ENOX1: variants seen among roughly 807,000 people sequenced by gnomAD.
The protein encoded by ENOX1 is ecto-NOX disulfide-thiol exchanger 1, also known as candidate growth-related and time keeping constitutive hydroquinone (NADH) oxidase.
A neutral mutation model predicts 82.5 loss-of-function variants in ENOX1; 42 were observed. That is an observed-to-expected ratio of 0.51 (90% CI 0.40 to 0.66). ENOX1 has a LOEUF of 0.66. ENOX1 is among the 30% of genes least tolerant of loss of function. The probability of loss-of-function intolerance (pLI) is 0.00; values close to 1 mark genes in which losing one functional copy is unlikely to be tolerated. For missense variants in ENOX1, 608 were observed against 811.6 expected (o/e 0.75, Z 3.05); for synonymous variants, 271 against 282.2 (o/e 0.96, Z 0.40).
chr13:43,660,392 T>G (rs2084660154), intron 2 of ENOX1, among the ~76,000 whole-genome samples: 1 of 152,330 alleles, frequency 6.6e-6, no homozygotes, highest in East Asian at 1.9e-4. Flanking sequence ...GATCAGTCAG[T>G]CTTTATCCTT....
At chr13:43,358,227 A>T (rs1396103539) in intron 7 of ENOX1, among the ~76,000 whole-genome samples, 2 of 152,194 alleles carry the variant, frequency 1.3e-5, no homozygotes, top group African/African-American at 4.8e-5. Context: ...ATTAGTGTTG[A>T]AAAGGGCCTC....
At chr13:43,712,476 A>G (rs570927214) in intron 1 of ENOX1, among the ~76,000 whole-genome samples, 30 of 152,094 alleles carry the variant, frequency 2.0e-4, no homozygotes, top group Middle Eastern at 6.8e-3. Context: ...AGCTTGATGG[A>G]GATGGCATTG....
chr13:43,376,063 G>A (rs1566069514), intron 5 of ENOX1, among the ~76,000 whole-genome samples: 1 of 152,134 alleles, frequency 6.6e-6, no homozygotes, highest in Non-Finnish European at 1.5e-5. Flanking sequence ...ATTTACATTT[G>A]CCAGAATAGC....
chr13:43,223,534 C>T (rs943530734), intron 16 of ENOX1, among the ~76,000 whole-genome samples: 9 of 152,146 alleles, frequency 5.9e-5, no homozygotes, highest in African/African-American at 2.2e-4. Context: ...GGATGTGAGC[C>T]TGGAGGGGCA....
intron 1 of ENOX1, among the ~76,000 whole-genome samples, chr13:43,764,287 G>A (rs923992572): frequency 2.0e-5 from 3 of 152,128 alleles, no homozygotes; most frequent in African/African-American, 7.2e-5. Context: ...TAAAATGATT[G>A]GAGAGTTAGA....
At chr13:43,255,396 C>A (rs149140893) in intron 14 of ENOX1, among the ~76,000 whole-genome samples, 39 of 152,094 alleles carry the variant, frequency 2.6e-4, no homozygotes, top group African/African-American at 8.4e-4. Flanking sequence ...TGAGAATACC[C>A]ATTTTACCAC....
At chr13:43,417,604 T>A (rs1023708483) in intron 3 of ENOX1, among the ~76,000 whole-genome samples, 1 of 152,214 alleles carries the variant, frequency 6.6e-6, no homozygotes, top group Non-Finnish European at 1.5e-5. Context: ...CTTAGTTTTA[T>A]TATTTCTAAA....
intron 2 of ENOX1, among the ~76,000 whole-genome samples, chr13:43,573,078 CT>C (rs1310243084): frequency 1.3e-5 from 2 of 152,154 alleles, no homozygotes; most frequent in Non-Finnish European, 2.9e-5. Flanking sequence ...GAAACAATAA[CT>C]TGTGTGACAT....
intron 2 of ENOX1, among the ~76,000 whole-genome samples, chr13:43,563,885 A>G (rs549630880): frequency 1.2e-4 from 19 of 152,166 alleles, no homozygotes; most frequent in Admixed American, 1.1e-3. Flanking sequence ...CCAGGACCTG[A>G]GGGCTTCACC....
intron 1 of ENOX1, among the ~76,000 whole-genome samples, chr13:43,744,833 T>A (rs1949933416): frequency 6.6e-6 from 1 of 152,164 alleles, no homozygotes; most frequent in Non-Finnish European, 1.5e-5. Flanking sequence ...AAATAGTCAC[T>A]CTCCTTGGTG....
In ENOX1 at chr13:43,602,472, A is replaced by C. The variant is rs1420139943; in HGVS notation, c.-219+65007T>G. On this transcript the variant is annotated intron_variant, in intron 2 of 16. Transcript: ENST00000690772. ...ATAATTCCAACACATTTATCATATGATATATATACACACAATTTCCACATT... is the reference window on the plus strand; with the variant it reads ...ATAATTCCAACACATTTATCATATGCTATATATACACACAATTTCCACATT... Among the ~76,000 whole-genome samples, 5 of 152,096 alleles carry C rather than the reference A, an allele frequency of 3.3e-5. No homozygotes were observed. In the East Asian group the frequency reaches 9.6e-4, roughly 29 times the overall value.
At chr13:43,749,117 C>G (rs1427699697) in intron 1 of ENOX1, among the ~76,000 whole-genome samples, 1 of 152,184 alleles carries the variant, frequency 6.6e-6, no homozygotes, top group East Asian at 1.9e-4. Flanking sequence ...TTATTACCAA[C>G]AGTAATTATG....
At chr13:43,305,178 T>A (rs2046789850) in intron 11 of ENOX1, among the ~76,000 whole-genome samples, 1 of 152,132 alleles carries the variant, frequency 6.6e-6, no homozygotes, top group African/African-American at 2.4e-5. Flanking sequence ...TAGGATGACA[T>A]CTGCCAACAG....
Position 43,324,880 on chromosome 13 carries a change from C to T in ENOX1, c.1143+1539G>A, listed in dbSNP as rs543802690. Reference sequence around the variant, plus strand: ...AAGTGTGATTCAGATCAATATGTGACATTTGCTGACACTCACATTCTAATG... The same window carrying T: ...AAGTGTGATTCAGATCAATATGTGATATTTGCTGACACTCACATTCTAATG... On this transcript the variant is annotated intron_variant, in intron 10 of 16. Coordinates refer to ENST00000690772, the MANE Select transcript of ENOX1 (RefSeq NM_001347969.2). Among the ~76,000 whole-genome samples, 9 of 152,314 alleles carry T rather than the reference C, an allele frequency of 5.9e-5. No homozygotes were observed. The South Asian group carries it at 1.5e-3, about 25-fold the overall frequency.
chr13:43,304,212 G>T (rs1171763701), intron 11 of ENOX1, among the ~76,000 whole-genome samples: 1 of 152,194 alleles, frequency 6.6e-6, no homozygotes, highest in Non-Finnish European at 1.5e-5. Context: ...GCAGTAATGG[G>T]AATAGCAACA....
chr13:43,524,315 G>T (rs528887080), intron 2 of ENOX1, among the ~76,000 whole-genome samples: 32 of 152,130 alleles, frequency 2.1e-4, no homozygotes. Flanking sequence ...AGTCATCAGG[G>T]TCCAAGCTCC....
chr13:43,745,175 A>T (rs1474645432), intron 1 of ENOX1, among the ~76,000 whole-genome samples: 3 of 152,192 alleles, frequency 2.0e-5, no homozygotes, highest in African/African-American at 7.2e-5. Context: ...TAACTGCAAT[A>T]GAAAGTTTGA....
chr13:43,766,608 G>A (rs542541779), intron 1 of ENOX1, among the ~76,000 whole-genome samples: 2 of 152,188 alleles, frequency 1.3e-5, no homozygotes, highest in South Asian at 2.1e-4. Context: ...TTCAGGGAAC[G>A]GTTATGAGCT....
At chr13:43,658,786 G>T (rs114534423) in intron 2 of ENOX1, among the ~76,000 whole-genome samples, 1 of 152,108 alleles carries the variant, frequency 6.6e-6, no homozygotes, top group African/African-American at 2.4e-5. Flanking sequence ...TTTTCGCCTC[G>T]CTCTTGTGTT....
Sources: allele counts gnomAD v4.1 joint callset (sites outside exome capture counted in the v4.1 genomes callset), GRCh38; gene constraint gnomAD v4.1.1; transcripts MANE v1.5; gene names NCBI Gene and HGNC (gene_info 2026-07-23, HGNC 2026-07-21).